CD84: variants seen among roughly 807,000 people sequenced by gnomAD.
CD84 encodes the protein SLAM family member 5.
Under a neutral mutation model 33.8 loss-of-function variants are expected in CD84, and 22 were observed. The ratio of observed to expected loss-of-function variants is 0.65; its 90% CI spans 0.46 to 0.93. CD84 has a LOEUF of 0.93. CD84 is among the 40% of genes least tolerant of loss of function. The pLI, the probability that CD84 is intolerant of heterozygous loss-of-function variation, is 0.00. For synonymous variants in CD84, 154 were observed against 145.2 expected (o/e 1.06, Z -0.44); for missense variants, 400 against 397.6 (o/e 1.01, Z -0.05).
intron 4 of CD84, among the ~76,000 whole-genome samples, chr1:160,552,059 A>C (rs1656269721): frequency 6.6e-6 from 1 of 152,240 alleles, no homozygotes; most frequent in South Asian, 2.1e-4. Context: ...GGGCCTTCAT[A>C]ATCCAGGGCA....
intron 6 of CD84, 83 bp downstream of exon 6, chr1:160,549,834 T>C: frequency 9.8e-7 from 1 of 1,018,932 alleles, no homozygotes. Context: ...GGGAACCAGC[T>C]AGCCCCTGGT....
rs770265408 is a variant in CD84, at chr1:160,565,575, C to A, written c.217G>T (p.Val73Leu). The change falls in exon 2 of 7, where the codon GTA becomes TTA. Residue 73 changes from valine (V) to leucine (L), a missense_variant. Coordinates refer to ENST00000368054, the MANE Select transcript of CD84 (RefSeq NM_003874.4). ...TAATTTCTGTGGGTCACAGTAACTA[C>A]GGGTGCTGTTTCTGAGTCTCCTGGT... ...VTPGDSETAP[V>L]VTVTHRNYYE... The A allele has an allele frequency of 1.2e-6, 2 of 1,613,938 alleles. No homozygotes were observed. The highest frequency in any genetic ancestry group is 8.5e-7 in the Non-Finnish European group (1 of 1,179,914).
At chr1:160,561,398 G>A (rs1571365538) in intron 2 of CD84, among the ~76,000 whole-genome samples, 1 of 151,606 alleles carries the variant, frequency 6.6e-6, no homozygotes, top group Admixed American at 6.6e-5. Context: ...CACATAAATA[G>A]TACTGAAGAC....
intron 2 of CD84, among the ~76,000 whole-genome samples, chr1:160,556,427 A>G (rs1339650262): frequency 1.3e-5 from 2 of 152,250 alleles, no homozygotes; most frequent in Non-Finnish European, 2.9e-5. Flanking sequence ...TGTGAGGATT[A>G]AATGAGATTT....
At chr1:160,552,554 A>G (rs1166710464) in intron 4 of CD84, 2 of 607,706 alleles carry the variant, frequency 3.3e-6, no homozygotes, top group African/African-American at 3.7e-5. Context: ...GAAGCTTACA[A>G]TGATAAAAAA....
In CD84 at chr1:160,547,187, T is replaced by G; in HGVS notation, c.*1069A>C. 2.5e-6 allele frequency: 1 copy of G among 398,720 alleles called. No homozygotes were observed. The allele number at this position is 398,720 out of a possible 1,614,324, so 24.7% of individuals were successfully genotyped here. ...TCAGCTTAAACTCTAGTTCTCTGAG[T>G]CTTTGGAACTGGGATGAACCCAGTT... On this transcript the variant is annotated 3_prime_UTR_variant, in exon 7 of 7. Transcript: ENST00000368054.
chr1:160,564,636 C>T (rs564938033), intron 2 of CD84, among the ~76,000 whole-genome samples: 15 of 152,158 alleles, frequency 9.9e-5, no homozygotes, highest in South Asian at 8.3e-4. Flanking sequence ...AGTGACATTA[C>T]GCTAAGTGAA....
In CD84 at chr1:160,547,286, A is replaced by C; in HGVS notation, c.*970T>G. 2.5e-6 allele frequency: 1 copy of C among 397,948 alleles called. No homozygotes were observed. The highest frequency in any genetic ancestry group is 4.4e-6 in the Non-Finnish European group (1 of 225,910). 24.7% of individuals were successfully genotyped at this position (397,948 alleles called of 1,614,324 possible). A position where few individuals can be genotyped will look rare whatever the true frequency, so the allele number is the denominator to read the frequency against. On this transcript the variant is annotated 3_prime_UTR_variant, in exon 7 of 7. Transcript: ENST00000368054. ...GCTTCTTGCAAGGTCTTCTATTTTG[A>C]TGGTTGGATTATACCCAGTTCCCCA...
chr1:160,549,808 C>T, intron 6 of CD84, 109 bp downstream of exon 6: 1 of 847,796 alleles, frequency 1.2e-6, no homozygotes, highest in African/African-American at 1.7e-5. Context: ...GTCCTGAGAA[C>T]TACAAGGAGT....
intron 1 of CD84, among the ~76,000 whole-genome samples, chr1:160,568,046 C>A (rs1442668670): frequency 6.6e-6 from 1 of 152,134 alleles, no homozygotes; most frequent in African/African-American, 2.4e-5. Flanking sequence ...TCAGATCTCC[C>A]ACGTCTCAAG....
chr1:160,570,538 G>C (rs950538937), intron 1 of CD84, among the ~76,000 whole-genome samples: 2 of 152,158 alleles, frequency 1.3e-5, no homozygotes, highest in African/African-American at 4.8e-5. Context: ...AATAAAAATG[G>C]AAGTGTTGTA....
Position 160,575,494 on chromosome 1 carries a change from A to AACACACACACAC in CD84, c.46+3886_46+3897dup, listed in dbSNP as rs3078967. Among the ~76,000 whole-genome samples the AACACACACACAC allele has an allele frequency of 5.6e-3, 815 of 146,792 alleles. 5 individuals are homozygous for AACACACACACAC. Among genetic ancestry groups the AACACACACACAC allele is most frequent in the African/African-American group, 0.019 (741 of 39,984 alleles). On this transcript the variant is annotated intron_variant, in intron 1 of 6. Coordinates refer to ENST00000368054, the MANE Select transcript of CD84 (RefSeq NM_003874.4). The stretch of plus-strand genomic sequence containing the variant: ...GGTTTACTTGAATCAGTTCCTTCAA[A>AACACACACACAC]ACACACACACACACACACACACACA...
At chr1:160,571,670 G>C (rs746236252) in intron 1 of CD84, among the ~76,000 whole-genome samples, 39 of 152,158 alleles carry the variant, frequency 2.6e-4, no homozygotes, top group Non-Finnish European at 4.4e-4. Flanking sequence ...ACTGGGGGCT[G>C]GGGGGGAGGA....
At position 160,545,130 on chromosome 1, in the gene CD84, G is replaced by A. The variant is rs1655749816; in HGVS notation, c.*3126C>T. 1 of 152,190 alleles carries A rather than the reference G, an allele frequency of 6.6e-6. No individual in the cohort carries two copies. Among genetic ancestry groups the A allele is most frequent in the South Asian group, 2.1e-4 (1 of 4,824 alleles). The allele number at this position is 152,190 out of a possible 1,614,324, so 9.4% of individuals were successfully genotyped here. ...AGATTCATAGCAGAGAAACTGAGAG[G>A]AGAGACAAGAGTAGGGTGTCCTGAG... On this transcript the variant is annotated 3_prime_UTR_variant, in exon 7 of 7. Coordinates refer to ENST00000368054, the MANE Select transcript of CD84 (RefSeq NM_003874.4).
intron 2 of CD84, among the ~76,000 whole-genome samples, chr1:160,563,740 TTAAAA>T (rs1240564335): frequency 5.8e-4 from 89 of 152,278 alleles, no homozygotes; most frequent in African/African-American, 2.1e-3. Context: ...ACCCCTGAAC[TTAAAA>T]TAAACATTGA....
At position 160,565,482 on chromosome 1, in the gene CD84, C is replaced by T. The variant is rs777494416; in HGVS notation, c.310G>A (p.Ala104Thr). The T allele has an allele frequency of 3.8e-5, 61 of 1,613,734 alleles. No homozygotes were observed. Among genetic ancestry groups the T allele is most frequent in the Non-Finnish European group, 4.8e-5 (57 of 1,179,844 alleles). ...LVISDLRMED[A>T]GDYKADINTQ... is the part of the protein sequence containing the mutation. The stretch of plus-strand genomic sequence containing the variant: ...TTTATGTCTGCTTTGTAGTCTCCTG[C>T]GTCTTCCATCCTCAGATCGCTAATG... Residue 104 changes from alanine (A) to threonine (T), a missense_variant, in exon 2 of 7, where the codon GCA becomes ACA. Coordinates refer to ENST00000368054, the MANE Select transcript of CD84 (RefSeq NM_003874.4).
At chr1:160,577,159 T>C (rs1455261985) in intron 1 of CD84, among the ~76,000 whole-genome samples, 2 of 152,164 alleles carry the variant, frequency 1.3e-5, no homozygotes, top group African/African-American at 4.8e-5. Context: ...GGAACAGTCA[T>C]AAGTTTGCAC....
Position 160,543,039 on chromosome 1 carries a change from A to C in CD84, c.*5217T>G, listed in dbSNP as rs918366236. The C allele has an allele frequency of 4.6e-5, 7 of 152,122 alleles. No individual in the cohort carries two copies. Among genetic ancestry groups the C allele is most frequent in the African/African-American group, 1.7e-4 (7 of 41,414 alleles). The allele number at this position is 152,122 out of a possible 1,614,324, so 9.4% of individuals were successfully genotyped here. ...AGTTTCTCTTATTTTATATTAACTC[A>C]TCAGAATGTTTATGACCTGAAACCC... is the stretch of plus-strand genomic sequence containing the variant. On this transcript the variant is annotated 3_prime_UTR_variant, in exon 7 of 7. Coordinates refer to ENST00000368054, the MANE Select transcript of CD84 (RefSeq NM_003874.4).
chr1:160,552,222 C>T (rs1557970541), intron 4 of CD84, among the ~76,000 whole-genome samples: 4 of 152,170 alleles, frequency 2.6e-5, no homozygotes. Flanking sequence ...CCTTTCTCTT[C>T]CCAAGAGTCA....
Sources: allele counts gnomAD v4.1 joint callset (sites outside exome capture counted in the v4.1 genomes callset), GRCh38; gene constraint gnomAD v4.1.1; transcripts MANE v1.5; gene names NCBI Gene and HGNC (gene_info 2026-07-23, HGNC 2026-07-21).